The following SPECC1 variants were observed in gnomAD, a reference collection of about 807,000 sequenced individuals.
The protein encoded by SPECC1 is cytospin-B.
Under a neutral mutation model 104.1 loss-of-function variants are expected in SPECC1, and 62 were observed. The observed-to-expected ratio is 0.60, with a 90% CI of 0.49 to 0.74. The LOEUF (loss-of-function observed/expected upper bound fraction) is 0.74. Among genes scored for constraint, SPECC1 ranks in the 30% least tolerant of loss-of-function variants. SPECC1 has a pLI of 0.00. For missense variants in SPECC1, 1,306 were observed against 1,310.5 expected (o/e 1.00, Z 0.05); for synonymous variants, 513 against 501.6 (o/e 1.02, Z -0.30).
intron 12 of SPECC1, among the ~76,000 whole-genome samples, chr17:20,261,245 G>A (rs1362519632): frequency 1.3e-5 from 2 of 152,074 alleles, no homozygotes; most frequent in African/African-American, 4.8e-5. Context: ...GCTCACGCCT[G>A]TAATCCTAGC....
At chr17:20,094,811 G>A (rs1323983853) in intron 1 of SPECC1, among the ~76,000 whole-genome samples, 1 of 152,062 alleles carries the variant, frequency 6.6e-6, no homozygotes, top group East Asian at 1.9e-4. Context: ...TGTTGCCCAG[G>A]CTGGTCTCAA....
chr17:20,201,210 T>G (rs2036408119), intron 3 of SPECC1, among the ~76,000 whole-genome samples: 1 of 151,724 alleles, frequency 6.6e-6, no homozygotes, highest in Non-Finnish European at 1.5e-5. Context: ...CCTGTCATCC[T>G]AGCACTTGGG....
chr17:20,066,026 CA>C (rs1426808412), intron 1 of SPECC1, among the ~76,000 whole-genome samples: 1 of 152,190 alleles, frequency 6.6e-6, no homozygotes, highest in Non-Finnish European at 1.5e-5. Context: ...ATCTATCTAT[CA>C]GTCAATCATA....
chr17:20,031,680 C>T (rs2044819817), intron 1 of SPECC1, among the ~76,000 whole-genome samples: 2 of 152,216 alleles, frequency 1.3e-5, no homozygotes, highest in South Asian at 4.1e-4. Flanking sequence ...TCCCTCAGCC[C>T]TTGGCAACCA....
intron 9 of SPECC1, among the ~76,000 whole-genome samples, chr17:20,247,577 A>G (rs962934232): frequency 1.3e-5 from 2 of 152,246 alleles, no homozygotes; most frequent in Non-Finnish European, 1.5e-5. Flanking sequence ...ACATGGTCAC[A>G]TTATAGTAGA....
chr17:20,298,868 G>C (rs2041442927), intron 13 of SPECC1, among the ~76,000 whole-genome samples: 1 of 150,742 alleles, frequency 6.6e-6, no homozygotes, highest in Non-Finnish European at 1.5e-5. Context: ...CAAAAACTGA[G>C]CAAAGTAATT....
At chr17:20,298,593 C>T (rs879780235) in intron 13 of SPECC1, among the ~76,000 whole-genome samples, 1 of 152,080 alleles carries the variant, frequency 6.6e-6, no homozygotes, top group Non-Finnish European at 1.5e-5. Flanking sequence ...CTGGTTTGGC[C>T]TCACCCACTA....
intron 1 of SPECC1, among the ~76,000 whole-genome samples, chr17:20,066,911 ATT>A (rs371289652): frequency 2.1e-4 from 25 of 120,068 alleles, no homozygotes; most frequent in Admixed American, 1.7e-4. Flanking sequence ...GGCTAATCAA[ATT>A]TTTTTTTTTT....
At chr17:20,030,427 A>T (rs960380349) in intron 1 of SPECC1, among the ~76,000 whole-genome samples, 4 of 151,938 alleles carry the variant, frequency 2.6e-5, no homozygotes, top group Non-Finnish European at 5.9e-5. Context: ...ATTTTTTAAA[A>T]TTTTATTTTT....
intron 3 of SPECC1, among the ~76,000 whole-genome samples, chr17:20,149,569 A>G (rs973777665): frequency 1.3e-5 from 2 of 152,214 alleles, no homozygotes; most frequent in African/African-American, 4.8e-5. Flanking sequence ...GAATGACTAC[A>G]CTGGGGGGAA....
At chr17:20,110,893 A>G (rs2048458997) in intron 3 of SPECC1, among the ~76,000 whole-genome samples, 1 of 151,970 alleles carries the variant, frequency 6.6e-6, no homozygotes, top group Admixed American at 6.6e-5. Flanking sequence ...TACAGAATGC[A>G]TTAGAGGAAT....
At chr17:20,232,114 G>T in intron 6 of SPECC1, 86 bp from the exon 7 acceptor site, 1 of 1,500,164 alleles carries the variant, frequency 6.7e-7, no homozygotes, top group Admixed American at 1.8e-5. Context: ...TTTTTTCTTG[G>T]TGACCAACAC....
chr17:20,141,712 G>A (rs1031433127), intron 3 of SPECC1, among the ~76,000 whole-genome samples: 1 of 152,092 alleles, frequency 6.6e-6, no homozygotes, highest in Non-Finnish European at 1.5e-5. Context: ...GTCAATATCT[G>A]TTTCCACCAC....
At chr17:20,086,450 C>T (rs2047180328) in intron 1 of SPECC1, among the ~76,000 whole-genome samples, 1 of 152,164 alleles carries the variant, frequency 6.6e-6, no homozygotes, top group Non-Finnish European at 1.5e-5. Flanking sequence ...AGTTGAGACC[C>T]TGCTGCTCAT....
chr17:20,201,427 A>G (rs1459942511), intron 3 of SPECC1, among the ~76,000 whole-genome samples: 1 of 152,208 alleles, frequency 6.6e-6, no homozygotes, highest in East Asian at 1.9e-4. Context: ...GGTTGCAGTG[A>G]GCTGAGGTCG....
chr17:20,094,207 G>C (rs1463736397), intron 1 of SPECC1, among the ~76,000 whole-genome samples: 1 of 152,050 alleles, frequency 6.6e-6, no homozygotes, highest in Non-Finnish European at 1.5e-5. Context: ...TTTTCTGGGT[G>C]CAGTCATGTG....
intron 1 of SPECC1, among the ~76,000 whole-genome samples, chr17:20,043,562 G>A (rs1024836949): frequency 6.6e-6 from 1 of 151,988 alleles, no homozygotes; most frequent in Admixed American, 6.6e-5. Flanking sequence ...TCTTGAAATT[G>A]TTCCACGCGG....
At chr17:20,233,719 T>G (rs2038739445) in intron 7 of SPECC1, among the ~76,000 whole-genome samples, 2 of 152,174 alleles carry the variant, frequency 1.3e-5, no homozygotes, top group African/African-American at 4.8e-5. Context: ...ATGTGAATTT[T>G]AAGTGGAGGT....
At chr17:20,050,302 C>G (rs904670417) in intron 1 of SPECC1, among the ~76,000 whole-genome samples, 1 of 152,064 alleles carries the variant, frequency 6.6e-6, no homozygotes, top group Non-Finnish European at 1.5e-5. Flanking sequence ...CTGTGTTTTT[C>G]CTGATGCCTA....
Sources: allele counts gnomAD v4.1 joint callset (sites outside exome capture counted in the v4.1 genomes callset), GRCh38; gene constraint gnomAD v4.1.1; transcripts MANE v1.5; gene names NCBI Gene and HGNC (gene_info 2026-07-23, HGNC 2026-07-21).